The following NTRK3 variants were observed in gnomAD, a reference collection of about 807,000 sequenced individuals.
The protein encoded by NTRK3 is neurotrophic receptor tyrosine kinase 3.
In NTRK3, 24 loss-of-function variants were observed where a neutral mutation model predicts 91.7. The observed-to-expected ratio is 0.26, with a 90% CI of 0.19 to 0.37. NTRK3 has a LOEUF of 0.37. Among genes scored for constraint, NTRK3 ranks in the 10% least tolerant of loss-of-function variants. The pLI, the probability that NTRK3 is intolerant of heterozygous loss-of-function variation, is 1.00. For synonymous variants in NTRK3, 483 were observed against 404.0 expected (o/e 1.20, Z -2.34); for missense variants, 880 against 1,068.9 (o/e 0.82, Z 2.46).
chr15:87,954,007 AGTGTGTGTGTGTGTGTGTGTGT>A (rs61653896), intron 14 of NTRK3, among the ~76,000 whole-genome samples: 40 of 127,740 alleles, frequency 3.1e-4, no homozygotes, highest in African/African-American at 5.5e-4. Flanking sequence ...AGACCTTTTC[AGTGTGTGTGTGTGTGTGTGTGT>A]GTGTGTGTGT....
chr15:87,979,107 C>G, intron 14 of NTRK3: 1 of 596,728 alleles, frequency 1.7e-6, no homozygotes, highest in Non-Finnish European at 3.0e-6. Context: ...CAGGAGCTGC[C>G]TCGTAGGCCG....
chr15:88,180,420 T>C (rs2046351079), intron 5 of NTRK3, among the ~76,000 whole-genome samples: 1 of 152,194 alleles, frequency 6.6e-6, no homozygotes, highest in South Asian at 2.1e-4. Context: ...GGTCAGTCAC[T>C]CATAAACCAT....
At chr15:87,897,694 C>G (rs1361388074) in intron 17 of NTRK3, among the ~76,000 whole-genome samples, 1 of 152,136 alleles carries the variant, frequency 6.6e-6, no homozygotes, top group African/African-American at 2.4e-5. Flanking sequence ...CTGCATAGCT[C>G]AGGTACTGAG....
exon 19 of NTRK3, chr15:87,871,525 TAGAAATGA>T (rs1229031572): frequency 8.7e-6 from 2 of 230,388 alleles, no homozygotes; most frequent in African/African-American, 4.4e-5. Flanking sequence ...TAAGATGTGA[TAGAAATGA>T]CTCCTGTGTG....
At chr15:88,050,495 GTGTGTGTGTGTGTGTGTGTGTA>G (rs148897447) in intron 13 of NTRK3, among the ~76,000 whole-genome samples, 18,753 of 137,110 alleles carry the variant, frequency 0.14, 1,404 homozygotes, top group African/African-American at 0.26. Flanking sequence ...CCGTGTGTGT[GTGTGTGTGTGTGTGTGTGTGTA>G]TGTGTGTGTG....
At chr15:88,006,192 C>A (rs549967939) in intron 14 of NTRK3, among the ~76,000 whole-genome samples, 1 of 152,278 alleles carries the variant, frequency 6.6e-6, no homozygotes, top group African/African-American at 2.4e-5. Context: ...CAGTCATCCC[C>A]AAAAAAATTT....
intron 3 of NTRK3, among the ~76,000 whole-genome samples, chr15:88,214,085 GA>G (rs60504271): frequency 0.82 from 122,747 of 150,512 alleles, 50,931 homozygotes; most frequent in East Asian, 0.98. Context: ...TCTCAAAAAA[GA>G]AAAAAAAAAC....
intron 14 of NTRK3, among the ~76,000 whole-genome samples, chr15:87,984,239 G>A (rs1372508646): frequency 6.6e-6 from 1 of 152,176 alleles, no homozygotes; most frequent in Non-Finnish European, 1.5e-5. Flanking sequence ...ACCCACCCCA[G>A]GCCACTGTGT....
At chr15:88,206,175 T>TA (rs1448617056) in intron 3 of NTRK3, among the ~76,000 whole-genome samples, 3 of 139,900 alleles carry the variant, frequency 2.1e-5, no homozygotes, top group Non-Finnish European at 3.1e-5. Context: ...CCGTCTCTAC[T>TA]AAAAATACAA....
intron 3 of NTRK3, among the ~76,000 whole-genome samples, chr15:88,190,819 T>C (rs755369105): frequency 6.6e-6 from 1 of 152,208 alleles, no homozygotes; most frequent in Non-Finnish European, 1.5e-5. Flanking sequence ...GAGAAGGTAA[T>C]GCCTAAGTCC....
At chr15:88,083,513 C>T (rs181566052) in intron 13 of NTRK3, among the ~76,000 whole-genome samples, 100 of 152,276 alleles carry the variant, frequency 6.6e-4, no homozygotes, top group African/African-American at 2.1e-3. Context: ...TGAGCCACCG[C>T]GCCCGGCCAG....
intron 13 of NTRK3, among the ~76,000 whole-genome samples, chr15:88,102,507 C>A (rs924271588): frequency 6.6e-6 from 1 of 152,124 alleles, no homozygotes; most frequent in Non-Finnish European, 1.5e-5. Context: ...AAGAGTGGAA[C>A]TGGAATGTTC....
intron 3 of NTRK3, among the ~76,000 whole-genome samples, chr15:88,226,003 G>A (rs1328138705): frequency 1.3e-5 from 2 of 152,222 alleles, no homozygotes; most frequent in Non-Finnish European, 2.9e-5. Flanking sequence ...AGACAAGGGC[G>A]ATCCCAGGAA....
intron 17 of NTRK3, among the ~76,000 whole-genome samples, chr15:87,918,334 A>T (rs1020696575): frequency 4.6e-5 from 7 of 152,232 alleles, no homozygotes; most frequent in African/African-American, 9.6e-5. Context: ...AAGCCAAAAT[A>T]GTTGGCCTTT....
At chr15:88,024,382 G>A (rs939592162) in intron 14 of NTRK3, among the ~76,000 whole-genome samples, 2 of 152,180 alleles carry the variant, frequency 1.3e-5, no homozygotes, top group African/African-American at 4.8e-5. Context: ...GGTAAGAAAG[G>A]GTAGGTTGTC....
At chr15:87,908,372 G>C (rs1312409311) in intron 17 of NTRK3, 4 of 397,480 alleles carry the variant, frequency 1.0e-5, no homozygotes, top group Non-Finnish European at 1.8e-5. Flanking sequence ...CAAGGAAAAA[G>C]AGGTTGGAAG....
chr15:88,080,673 G>T (rs565669328), intron 13 of NTRK3, among the ~76,000 whole-genome samples: 5 of 152,324 alleles, frequency 3.3e-5, no homozygotes, highest in African/African-American at 1.2e-4. Context: ...CAGTGACGTG[G>T]CTCTTCCAAT....
At chr15:87,897,816 A>G (rs191000631) in intron 17 of NTRK3, among the ~76,000 whole-genome samples, 21 of 149,538 alleles carry the variant, frequency 1.4e-4, no homozygotes, top group African/African-American at 5.1e-4. Context: ...AAATTATAAC[A>G]TATCAGAATT....
At chr15:87,908,234 C>T (rs1274602062) in intron 17 of NTRK3, among the ~76,000 whole-genome samples, 1 of 152,196 alleles carries the variant, frequency 6.6e-6, no homozygotes, top group Non-Finnish European at 1.5e-5. Flanking sequence ...CCCGGCTGTG[C>T]ACCTAATTTT....
Sources: allele counts gnomAD v4.1 joint callset (sites outside exome capture counted in the v4.1 genomes callset), GRCh38; gene constraint gnomAD v4.1.1; transcripts MANE v1.5; gene names NCBI Gene and HGNC (gene_info 2026-07-23, HGNC 2026-07-21).